Variants in KSR2 observed in about 807,000 individuals in gnomAD.
The protein encoded by KSR2 is kinase suppressor of ras 2.
Under a neutral mutation model 107.8 loss-of-function variants are expected in KSR2, and 25 were observed. That is an observed-to-expected ratio of 0.23 (90% confidence interval 0.17 to 0.32). The LOEUF (loss-of-function observed/expected upper bound fraction) is 0.32, where lower values mean the gene tolerates loss of function less well. Ranked by LOEUF, KSR2 falls within the 10% of genes least tolerant of loss-of-function variation. The probability of loss-of-function intolerance (pLI) is 1.00; values close to 1 mark genes in which losing one functional copy is unlikely to be tolerated. For synonymous variants in KSR2, 480 were observed against 507.0 expected, an observed-to-expected ratio of 0.95 and a Z score of 0.71; for missense variants, 887 against 1,268.9, an observed-to-expected ratio of 0.70 and a Z score of 4.57.
intron 4 of KSR2, 127 bp from the exon 5 acceptor site, chr12:117,667,785 C>CA: frequency 1.3e-6 from 1 of 763,826 alleles, no homozygotes. Context: ...TAGAAGAGCC[C>CA]ACAGGCTTTT....
Position 117,469,657 on chromosome 12 carries a change from C to T in KSR2, c.2846+5G>A, listed in dbSNP as rs1264908008. ...TGGGGAGAGACATTAAGGGAGAAAA[C>T]CTACTCTGCAGACTTCCAGAAATGT... is the stretch of plus-strand genomic sequence containing the variant. On this transcript the variant is annotated splice_donor_5th_base_variant and intron_variant, in intron 19 of 19. Transcript: ENST00000339824. The T allele has an allele frequency of 6.2e-7, 1 of 1,611,740 alleles. No individual in the cohort carries two copies. The highest frequency in any genetic ancestry group is 1.7e-5 in the Admixed American group (1 of 59,766).
At chr12:117,859,187 C>G (rs974217736) in intron 2 of KSR2, among the ~76,000 whole-genome samples, 3 of 147,158 alleles carry the variant, frequency 2.0e-5, no homozygotes, top group African/African-American at 7.6e-5. Flanking sequence ...TTCTCTACAC[C>G]CAGGCTGGAG....
At chr12:117,953,503 G>A (rs1263375707) in intron 1 of KSR2, among the ~76,000 whole-genome samples, 6 of 152,130 alleles carry the variant, frequency 3.9e-5, no homozygotes, top group Admixed American at 1.3e-4. Context: ...CCATAAACAC[G>A]AATGAAATGC....
rs557750331 is a variant in KSR2 at position 117,679,180 on chromosome 12, G to A, written c.987-11522C>T. On this transcript the variant is annotated intron_variant, in intron 4 of 19. Transcript: ENST00000339824. Reference sequence around the variant, plus strand: ...TTAAAGGCTGAACTCAAGTCTGAGCGCCCTTGAAGCTCCCAGAACCATCGA... The same window carrying A: ...TTAAAGGCTGAACTCAAGTCTGAGCACCCTTGAAGCTCCCAGAACCATCGA... Among the ~76,000 whole-genome samples the A allele has an allele frequency of 2.2e-4, 34 of 152,200 alleles. No homozygotes were observed. In the South Asian group the frequency reaches 6.2e-3, roughly 28 times the overall value.
In KSR2 at chr12:117,676,723, G is replaced by A. The variant is rs541592788; in HGVS notation, c.987-9065C>T. Among the ~76,000 whole-genome samples, 6 of 152,254 alleles carry A rather than the reference G, an allele frequency of 3.9e-5. No homozygotes were observed. The South Asian group carries it at 6.2e-4, about 16-fold the overall frequency. On this transcript the variant is annotated intron_variant, in intron 4 of 19. Transcript: ENST00000339824. ...GGTGGGAGTGTAAATTGGTACAACCGTTTTTGAAAAATGACTTGGCAGTAG... is the reference window on the plus strand; with the variant it reads ...GGTGGGAGTGTAAATTGGTACAACCATTTTTGAAAAATGACTTGGCAGTAG...
chr12:117,670,869 C>T (rs547466937), intron 4 of KSR2, among the ~76,000 whole-genome samples: 125 of 152,172 alleles, frequency 8.2e-4, no homozygotes, highest in Non-Finnish European at 1.4e-3. Flanking sequence ...TCCTCCTCCA[C>T]CTGGTGAACC....
At chr12:117,874,871 T>C (rs898170539) in intron 1 of KSR2, among the ~76,000 whole-genome samples, 3 of 151,652 alleles carry the variant, frequency 2.0e-5, no homozygotes, top group Non-Finnish European at 4.4e-5. Flanking sequence ...ACAGGACTTT[T>C]GGAAATAGCA....
intron 4 of KSR2, among the ~76,000 whole-genome samples, chr12:117,686,510 T>C (rs1337985573): frequency 6.6e-6 from 1 of 152,070 alleles, no homozygotes; most frequent in Non-Finnish European, 1.5e-5. Flanking sequence ...CCAAAGGTCT[T>C]AACCCTAAAA....
intron 7 of KSR2, among the ~76,000 whole-genome samples, chr12:117,570,004 CTT>C (rs58314222): frequency 7.5e-4 from 105 of 139,956 alleles, no homozygotes; most frequent in African/African-American, 1.2e-3. Context: ...TGTCTGCAGA[CTT>C]TTTTTTTTTT....
At chr12:117,649,654 C>T (rs1014739879) in intron 5 of KSR2, among the ~76,000 whole-genome samples, 1 of 152,158 alleles carries the variant, frequency 6.6e-6, no homozygotes, top group African/African-American at 2.4e-5. Flanking sequence ...CTCTCAGTTG[C>T]CTGCCTGGCC....
chr12:117,960,645 TCCA>T (rs1896634535), intron 1 of KSR2, among the ~76,000 whole-genome samples: 1 of 152,100 alleles, frequency 6.6e-6, no homozygotes, highest in African/African-American at 2.4e-5. Flanking sequence ...GCCAGCTGAG[TCCA>T]TACCTAACTG....
chr12:117,605,614 C>T (rs1445928346), intron 5 of KSR2, among the ~76,000 whole-genome samples: 5 of 152,070 alleles, frequency 3.3e-5, no homozygotes. Flanking sequence ...CCAGCAATCC[C>T]ATTACTTGGT....
chr12:117,810,333 C>T (rs538026881), intron 3 of KSR2, among the ~76,000 whole-genome samples: 1 of 152,262 alleles, frequency 6.6e-6, no homozygotes, highest in African/African-American at 2.4e-5. Context: ...ATTTTTGAGA[C>T]AGGGTGTCGC....
rs373674676 is a variant in KSR2, at chr12:117,905,124, G to C, written c.181-44693C>G. On this transcript the variant is annotated intron_variant, in intron 1 of 19. Transcript: ENST00000339824. Reference sequence around the variant, plus strand: ...TTGAACCTGGGAGGCGGAGGTTGCAGTGAGCCAAGATCACACCACTGCACT... The same window carrying C: ...TTGAACCTGGGAGGCGGAGGTTGCACTGAGCCAAGATCACACCACTGCACT... Among the ~76,000 whole-genome samples, 534 of 152,304 alleles carry C rather than the reference G, an allele frequency of 3.5e-3. 5 individuals are homozygous for C. The highest frequency in any genetic ancestry group is 0.012 in the African/African-American group (518 of 41,556).
intron 3 of KSR2, among the ~76,000 whole-genome samples, chr12:117,811,476 C>G (rs1891188596): frequency 6.6e-6 from 1 of 152,224 alleles, no homozygotes; most frequent in Non-Finnish European, 1.5e-5. Flanking sequence ...GTCAGAAATT[C>G]TGGGCATGAA....
intron 4 of KSR2, among the ~76,000 whole-genome samples, chr12:117,748,091 T>C (rs895166317): frequency 1.3e-5 from 2 of 152,048 alleles, no homozygotes; most frequent in African/African-American, 2.4e-5. Context: ...GAAAATGTGG[T>C]ATATATATGC....
At chr12:117,810,877 A>C in intron 3 of KSR2, among the ~76,000 whole-genome samples, 1 of 152,212 alleles carries the variant, frequency 6.6e-6, no homozygotes, top group Admixed American at 6.5e-5. Flanking sequence ...TGAGCTTATA[A>C]AAACAAAGCT....
intron 13 of KSR2, 25 bp from the exon 14 acceptor site, chr12:117,525,244 C>A: frequency 6.4e-7 from 1 of 1,554,638 alleles, no homozygotes; most frequent in South Asian, 1.2e-5. Context: ...GGAGAGAGGT[C>A]AGAATTGTGT....
chr12:117,801,705 C>A, intron 3 of KSR2, among the ~76,000 whole-genome samples: 1 of 152,124 alleles, frequency 6.6e-6, no homozygotes, highest in East Asian at 1.9e-4. Context: ...CCCCATGATC[C>A]AATCACCTCT....
Sources: gnomAD v4.1 joint callset for allele counts (sites outside exome capture counted in the v4.1 genomes callset) on GRCh38, gnomAD v4.1.1 for gene constraint, MANE v1.5 for transcripts, NCBI Gene and HGNC (gene_info 2026-07-23, HGNC 2026-07-21) for gene names.